Variants in BTBD1 observed in about 807,000 individuals in gnomAD.
The protein encoded by BTBD1 is BTB domain containing 1, also known as BTB/POZ domain-containing protein 1.
Under a neutral mutation model 48.0 loss-of-function variants are expected in BTBD1, and 34 were observed. That is an observed-to-expected ratio of 0.71 (90% confidence interval 0.54 to 0.94). The LOEUF is 0.94. Ranked by LOEUF, BTBD1 falls within the 40% of genes least tolerant of loss-of-function variation. The pLI, the probability that BTBD1 is intolerant of heterozygous loss-of-function variation, is 0.00. For missense variants in BTBD1, 543 were observed against 625.6 expected, an observed-to-expected ratio of 0.87 and a Z score of 1.41; for synonymous variants, 261 against 242.1, an observed-to-expected ratio of 1.08 and a Z score of -0.72.
rs770907546 is a variant in BTBD1 at position 83,066,903 on chromosome 15, G to T, written c.249C>A (p.Ala83=). The change falls in exon 1 of 8, where the codon GCC becomes GCA. Residue 83 remains alanine, a synonymous_variant. Coordinates refer to ENST00000261721, the MANE Select transcript of BTBD1 (RefSeq NM_025238.4). The part of the protein sequence containing the change: ...FVLGKGRGAA[A]AGGPQRIPAH... The stretch of plus-strand genomic sequence containing the variant: ...CGGGGATGCGCTGCGGGCCCCCAGC[G>T]GCGGCGGCGCCGCGACCCTTGCCCA... 6.6e-7 allele frequency: 1 copy of T among 1,515,926 alleles called. No individual in the cohort carries two copies. The highest frequency in any genetic ancestry group is 2.7e-5 in the East Asian group (1 of 36,678). The allele number at this position is 1,515,926 out of a possible 1,614,324, so 93.9% of individuals were successfully genotyped here.
intron 4 of BTBD1, among the ~76,000 whole-genome samples, chr15:83,039,186 G>GA (rs997410932): frequency 1.1e-3 from 154 of 143,804 alleles, no homozygotes; most frequent in African/African-American, 3.3e-3. Flanking sequence ...AATTCAATAA[G>GA]AAAAAAAAAA....
chr15:83,043,940 C>T (rs1387234241), intron 3 of BTBD1, among the ~76,000 whole-genome samples: 1 of 152,228 alleles, frequency 6.6e-6, no homozygotes, highest in East Asian at 1.9e-4. Flanking sequence ...AAAATAAGCT[C>T]AGTTACTTTT....
At chr15:83,050,717 G>A (rs1454289597) in intron 2 of BTBD1, among the ~76,000 whole-genome samples, 1 of 152,078 alleles carries the variant, frequency 6.6e-6, no homozygotes, top group East Asian at 1.9e-4. Flanking sequence ...ATTTTGAGGA[G>A]AGAATAGGGT....
intron 2 of BTBD1, 52 bp downstream of exon 2, chr15:83,056,337 T>C (rs922291928): frequency 1.1e-5 from 14 of 1,300,000 alleles, no homozygotes; most frequent in African/African-American, 1.0e-4. Flanking sequence ...CCATATATAG[T>C]TTACTCAATT....
At chr15:83,051,905 T>TAC (rs1371198692) in intron 2 of BTBD1, among the ~76,000 whole-genome samples, 1 of 102,856 alleles carries the variant, frequency 9.7e-6, no homozygotes, top group Non-Finnish European at 2.1e-5. Flanking sequence ...CACACACACA[T>TAC]CTATCTGGGA....
chr15:83,066,892 G>A lies in BTBD1; in HGVS notation c.260C>T (p.Pro87Leu), dbSNP rs780353594. ...GAAGCGGTGGGCGGGGATGCGCTGC[G>A]GGCCCCCAGCGGCGGCGGCGCCGCG... Reference protein sequence around the residue: ...KGRGAAAAGGPQRIPAHRFVL... With the variant: ...KGRGAAAAGGLQRIPAHRFVL... The change falls in exon 1 of 8, where the codon CCG (proline) becomes CTG (leucine). Residue 87 changes from proline (P) to leucine (L), a missense_variant. By Grantham distance (98) the Pro-to-Leu change is moderately conservative (BLOSUM62 -3). Coordinates refer to ENST00000261721, the MANE Select transcript of BTBD1 (RefSeq NM_025238.4). The A allele has an allele frequency of 4.1e-5, 62 of 1,508,060 alleles. No individual in the cohort carries two copies. The African/African-American group carries it at 7.1e-4, about 17-fold the overall frequency. The allele number at this position is 1,508,060 out of a possible 1,614,324, so 93.4% of individuals were successfully genotyped here.
rs139941201 is a variant in BTBD1, at chr15:83,032,279, C to A, written c.863-1951G>T. 4.1e-3 allele frequency among the ~76,000 whole-genome samples: 616 copies of A among 152,046 alleles called. 2 individuals are homozygous for A. Among genetic ancestry groups the A allele is most frequent in the Middle Eastern group, 6.8e-3 (2 of 294 alleles). ...GAAGTTACAGTGAGCCGAGATCGCA[C>A]TACTGCACTCCAGCCTGGGCAACAC... On this transcript the variant is annotated intron_variant, in intron 4 of 7. Coordinates refer to ENST00000261721, the MANE Select transcript of BTBD1 (RefSeq NM_025238.4).
At position 83,018,712 on chromosome 15, in the gene BTBD1, G is replaced by A; in HGVS notation, c.1285C>T (p.Leu429Phe). The A allele has an allele frequency of 6.2e-7, 1 of 1,613,882 alleles. No homozygotes were observed. Among genetic ancestry groups the A allele is most frequent in the Non-Finnish European group, 8.5e-7 (1 of 1,179,926 alleles). Residue 429 changes from leucine to phenylalanine, a missense_variant, in exon 7 of 8, where the codon CTC becomes TTC. Physicochemically the swap from Leu to Phe is conservative, Grantham distance 22. Transcript: ENST00000261721. ...PNVCYTACAT[L>F]KGPDSHYGTK... ...ACATAGTGCATGACTCTTACTTTGA[G>A]TGTTGCACATGCTGTGTAGCACACA...
intron 1 of BTBD1, among the ~76,000 whole-genome samples, chr15:83,057,062 G>T (rs1759072269): frequency 6.6e-6 from 1 of 152,068 alleles, no homozygotes; most frequent in Non-Finnish European, 1.5e-5. Context: ...CAAAGAGAGG[G>T]GAATGAATAA....
At chr15:83,051,859 ATTTT>A (rs11370259) in intron 2 of BTBD1, among the ~76,000 whole-genome samples, 1 of 118,744 alleles carries the variant, frequency 8.4e-6, no homozygotes, top group Non-Finnish European at 1.8e-5. Context: ...TCATTTATTA[ATTTT>A]TTTTCCATAT....
intron 3 of BTBD1, among the ~76,000 whole-genome samples, chr15:83,047,558 G>A (rs1361795480): frequency 6.6e-6 from 1 of 152,156 alleles, no homozygotes; most frequent in Non-Finnish European, 1.5e-5. Flanking sequence ...TCTTGCAACT[G>A]AATGGGACCA....
At position 83,044,504 on chromosome 15, in the gene BTBD1, T is replaced by C. The variant is rs575012754; in HGVS notation, c.665-2579A>G. The C allele has an allele frequency of 1.0e-5, 16 of 1,580,288 alleles. No homozygotes were observed. The Admixed American group carries it at 1.5e-4, about 15-fold the overall frequency. ...TGGCCAAGCCAGATTGTATCATCAC[T>C]TGTGATGGCAAAAACCTCACCATAA... On this transcript the variant is annotated intron_variant, in intron 3 of 7. Coordinates refer to ENST00000261721, the MANE Select transcript of BTBD1 (RefSeq NM_025238.4).
At chr15:83,059,513 C>T (rs1055999638) in intron 1 of BTBD1, among the ~76,000 whole-genome samples, 1 of 152,214 alleles carries the variant, frequency 6.6e-6, no homozygotes, top group African/African-American at 2.4e-5. Context: ...CCATTGTACT[C>T]CAGCCTGGGC....
chr15:83,067,246 G>C lies in BTBD1; in HGVS notation c.-95C>G. ...CCGGCGCTGCCTCCCTGCCTTCCGGGAAAGGCGCTTCCGGGGGCCTCGCGC... is the reference window on the plus strand; with the variant it reads ...CCGGCGCTGCCTCCCTGCCTTCCGGCAAAGGCGCTTCCGGGGGCCTCGCGC... On this transcript the variant is annotated 5_prime_UTR_variant, in exon 1 of 8. Coordinates refer to ENST00000261721, the MANE Select transcript of BTBD1 (RefSeq NM_025238.4). 1 of 1,243,356 alleles carries C rather than the reference G, an allele frequency of 8.0e-7. No individual in the cohort carries two copies. The highest frequency in any genetic ancestry group is 1.0e-6 in the Non-Finnish European group (1 of 973,368). 77.0% of individuals were successfully genotyped at this position (1,243,356 alleles called of 1,614,324 possible).
rs1409578413 is a variant in BTBD1 at position 83,020,429 on chromosome 15, T to C, written c.1143+246A>G. 1.8e-5 allele frequency: 7 copies of C among 382,290 alleles called. No homozygotes were observed. In the East Asian group the frequency reaches 2.7e-4, roughly 15 times the overall value. 23.7% of individuals were successfully genotyped at this position (382,290 alleles called of 1,614,324 possible). A position where few individuals can be genotyped will look rare whatever the true frequency, so the allele number is the denominator to read the frequency against. ...AAGACTGCACAGCAGGAAGTACTAA[T>C]AGAAGGGATTCCTGGACAAAGAAGA... On this transcript the variant is annotated intron_variant, in intron 6 of 7. Coordinates refer to ENST00000261721, the MANE Select transcript of BTBD1 (RefSeq NM_025238.4).
chr15:83,051,899 CACACAT>C (rs954860469), intron 2 of BTBD1, among the ~76,000 whole-genome samples: 6 of 151,538 alleles, frequency 4.0e-5, no homozygotes, highest in African/African-American at 9.7e-5. Context: ...CACACACACA[CACACAT>C]CTATCTGGGA....
chr15:83,017,196 A>G lies in BTBD1; in HGVS notation c.*871T>C, dbSNP rs1239118359. On this transcript the variant is annotated 3_prime_UTR_variant, in exon 8 of 8. Transcript: ENST00000261721. ...TTACAATGTCAGAGCAGTTGTTAGA[A>G]ATGTTAGTATTTTATTCGGTTTCTT... is the stretch of plus-strand genomic sequence containing the variant. 6.6e-6 allele frequency: 1 copy of G among 152,618 alleles called. No individual in the cohort carries two copies. Among genetic ancestry groups the G allele is most frequent in the Non-Finnish European group, 1.5e-5 (1 of 68,038 alleles). 9.5% of individuals were successfully genotyped at this position (152,618 alleles called of 1,614,324 possible). A position where few individuals can be genotyped will look rare whatever the true frequency, so the allele number is the denominator to read the frequency against.
intron 3 of BTBD1, among the ~76,000 whole-genome samples, chr15:83,048,528 A>G (rs1258805755): frequency 6.6e-6 from 1 of 152,172 alleles, no homozygotes; most frequent in African/African-American, 2.4e-5. Flanking sequence ...ATGGTCCTCT[A>G]TCACCTGGCT....
chr15:83,048,560 T>A lies in BTBD1; in HGVS notation c.664+1513A>T, dbSNP rs532555930. On this transcript the variant is annotated intron_variant, in intron 3 of 7. Transcript: ENST00000261721. ...GGCTTTAACCTGCTTTGCACCTCCT[T>A]CCTCTTATACACTTCTTCCTGAGGT... 1.2e-4 allele frequency among the ~76,000 whole-genome samples: 18 copies of A among 152,274 alleles called. 2 individuals carry two copies. In the South Asian group the frequency reaches 2.9e-3, roughly 25 times the overall value.
Sources: gnomAD v4.1 joint callset for allele counts (sites outside exome capture counted in the v4.1 genomes callset) on GRCh38, gnomAD v4.1.1 for gene constraint, MANE v1.5 for transcripts, NCBI Gene and HGNC (gene_info 2026-07-23, HGNC 2026-07-21) for gene names.